PCDH15: variants seen among roughly 807,000 people sequenced by gnomAD.
PCDH15 encodes the protein protocadherin related 15, also known as protocadherin-15.
A neutral mutation model predicts 178.5 loss-of-function variants in PCDH15; 129 were observed. That is an observed-to-expected ratio of 0.72 (90% CI 0.63 to 0.84). The LOEUF (loss-of-function observed/expected upper bound fraction) is 0.84. Ranked by LOEUF, PCDH15 falls within the 40% of genes least tolerant of loss-of-function variation. The pLI is 0.00. For synonymous variants in PCDH15, 800 were observed against 732.0 expected (o/e 1.09, Z -1.50); for missense variants, 2,230 against 2,099.9 (o/e 1.06, Z -1.21).
rs71007859 is a variant in PCDH15 at position 54,442,414 on chromosome 10, CTATATATATATATATATA to C, written c.158-63490_158-63473del. ...TTAAAAAAAAAAAAGGCCTTAAAGGCTATATATATATATATATATATATATATATATATATATATATAT... is the reference window on the plus strand; with the variant it reads ...TTAAAAAAAAAAAAGGCCTTAAAGGCTATATATATATATATATATATATAT... On this transcript the variant is annotated intron_variant, in intron 3 of 37. Transcript: ENST00000644397. 2.6e-3 allele frequency among the ~76,000 whole-genome samples: 50 copies of C among 19,194 alleles called. 2 individuals are homozygous for C. The highest frequency in any genetic ancestry group is 0.02 in the Admixed American group (25 of 1,244). 12.6% of individuals were successfully genotyped at this position (19,194 alleles called of 152,430 possible).
intron 2 of PCDH15, among the ~76,000 whole-genome samples, chr10:55,095,533 T>G (rs1842428351): frequency 6.6e-6 from 1 of 152,086 alleles, no homozygotes; most frequent in Non-Finnish European, 1.5e-5. Context: ...CCTTCTTTTC[T>G]TTCTACCTCA....
chr10:55,528,603 C>A (rs1034607081), intron 2 of PCDH15, among the ~76,000 whole-genome samples: 1 of 152,096 alleles, frequency 6.6e-6, no homozygotes, highest in Non-Finnish European at 1.5e-5. Context: ...ATATGTGCCA[C>A]ATTTTCTTAA....
At chr10:54,655,237 GGAAAGAAA>G (rs1351092726) in intron 2 of PCDH15, among the ~76,000 whole-genome samples, 63 of 100,272 alleles carry the variant, frequency 6.3e-4, no homozygotes, top group African/African-American at 2.4e-3. Context: ...AGGGAGGAAG[GGAAAGAAA>G]GAAAGAAAGA....
intron 2 of PCDH15, among the ~76,000 whole-genome samples, chr10:55,036,160 A>G (rs922435864): frequency 6.6e-6 from 1 of 152,098 alleles, no homozygotes; most frequent in African/African-American, 2.4e-5. Context: ...CTCTTGCTGT[A>G]TATCACCATT....
intron 8 of PCDH15, among the ~76,000 whole-genome samples, chr10:54,289,596 C>T (rs2059263983): frequency 6.6e-6 from 1 of 152,106 alleles, no homozygotes; most frequent in Non-Finnish European, 1.5e-5. Flanking sequence ...TAACAAACGT[C>T]TCCAAGCTAA....
chr10:54,821,022 GC>G (rs1953028936), intron 3 of PCDH15, among the ~76,000 whole-genome samples: 1 of 151,894 alleles, frequency 6.6e-6, no homozygotes. Context: ...TACCTCTTTT[GC>G]CTCTTAATAC....
intron 2 of PCDH15, among the ~76,000 whole-genome samples, chr10:55,014,594 G>C (rs1840125296): frequency 1.3e-5 from 2 of 152,100 alleles, no homozygotes; most frequent in Non-Finnish European, 2.9e-5. Context: ...ATATATTTTA[G>C]AAAGAGGATG....
At chr10:53,822,496 CAGA>C (rs774959602) in intron 32 of PCDH15, 11 of 1,611,406 alleles carry the variant, frequency 6.8e-6, no homozygotes, top group Admixed American at 1.7e-5. Flanking sequence ...AGGGGACAGG[CAGA>C]AGGAGAGATG....
intron 15 of PCDH15, among the ~76,000 whole-genome samples, chr10:54,132,321 G>A (rs2042505465): frequency 6.6e-6 from 1 of 152,120 alleles, no homozygotes; most frequent in African/African-American, 2.4e-5. Flanking sequence ...ATATGCTCAT[G>A]AATCTCTAGC....
chr10:55,371,654 C>T (rs977495038), intron 2 of PCDH15, among the ~76,000 whole-genome samples: 3 of 152,008 alleles, frequency 2.0e-5, no homozygotes, highest in Non-Finnish European at 4.4e-5. Context: ...TGCTTGCTTC[C>T]CCTTCACCCT....
chr10:55,045,647 C>G (rs1225052840), intron 2 of PCDH15, among the ~76,000 whole-genome samples: 4 of 152,130 alleles, frequency 2.6e-5, no homozygotes, highest in African/African-American at 4.8e-5. Context: ...TTGACCAATA[C>G]TATCTACTTC....
At chr10:55,430,942 C>T (rs1432032656) in intron 2 of PCDH15, among the ~76,000 whole-genome samples, 5 of 152,134 alleles carry the variant, frequency 3.3e-5, no homozygotes, top group Admixed American at 2.0e-4. Flanking sequence ...ATATGCAAGA[C>T]TCCACATCAA....
chr10:55,337,909 C>A (rs1239765195), intron 2 of PCDH15, among the ~76,000 whole-genome samples: 1 of 151,946 alleles, frequency 6.6e-6, no homozygotes, highest in Non-Finnish European at 1.5e-5. Context: ...GAAAACTATC[C>A]ATCTGACAAA....
At chr10:55,133,077 A>G (rs1030649479) in intron 2 of PCDH15, among the ~76,000 whole-genome samples, 6 of 152,188 alleles carry the variant, frequency 3.9e-5, no homozygotes, top group Non-Finnish European at 8.8e-5. Flanking sequence ...ATAGATCTCG[A>G]TTTGATTGAT....
At chr10:54,455,512 G>A (rs1197201386) in intron 3 of PCDH15, among the ~76,000 whole-genome samples, 1 of 152,142 alleles carries the variant, frequency 6.6e-6, no homozygotes, top group Non-Finnish European at 1.5e-5. Context: ...TTGCTATGCA[G>A]GGAGACTGGC....
intron 13 of PCDH15, among the ~76,000 whole-genome samples, chr10:54,169,552 C>A (rs1234970358): frequency 1.4e-5 from 2 of 148,032 alleles, no homozygotes; most frequent in African/African-American, 5.0e-5. Flanking sequence ...GCTTCCCTGA[C>A]TATTCCTGGA....
At chr10:55,297,062 T>C (rs916779852) in intron 1 of PCDH15, among the ~76,000 whole-genome samples, 44 of 152,134 alleles carry the variant, frequency 2.9e-4, no homozygotes, top group Non-Finnish European at 1.8e-4. Flanking sequence ...ATAAGTCATC[T>C]GGGACAGAGC....
intron 26 of PCDH15, among the ~76,000 whole-genome samples, chr10:53,886,727 C>T (rs182301329): frequency 3.1e-4 from 47 of 149,638 alleles, no homozygotes; most frequent in African/African-American, 1.1e-3. Context: ...TCAGTATCAA[C>T]TGGTCTTGTT....
chr10:55,299,023 C>T (rs1014168503), intron 1 of PCDH15, among the ~76,000 whole-genome samples: 1 of 152,182 alleles, frequency 6.6e-6, no homozygotes, highest in Non-Finnish European at 1.5e-5. Context: ...CTACTTACAA[C>T]ATAGTATGCA....
Sources: allele counts gnomAD v4.1 joint callset (sites outside exome capture counted in the v4.1 genomes callset), GRCh38; gene constraint gnomAD v4.1.1; transcripts MANE v1.5; gene names NCBI Gene and HGNC (gene_info 2026-07-23, HGNC 2026-07-21).